WDSUB1: variants seen among roughly 807,000 people sequenced by gnomAD.
WDSUB1 encodes the protein WD repeat, sterile alpha motif and U-box domain containing 1, also known as WD repeat, SAM and U-box domain-containing protein 1.
In WDSUB1, 49 loss-of-function variants were observed where a neutral mutation model predicts 53.9. The observed-to-expected ratio is 0.91, with a 90% CI of 0.72 to 1.15. WDSUB1 has a LOEUF of 1.15. Among genes scored for constraint, WDSUB1 ranks in the 50% most tolerant of loss-of-function variants. The probability of loss-of-function intolerance (pLI) is 0.00; values close to 1 mark genes in which losing one functional copy is unlikely to be tolerated. For synonymous variants in WDSUB1, 194 were observed against 200.6 expected (o/e 0.97, Z 0.28); for missense variants, 514 against 562.0 (o/e 0.91, Z 0.86).
At chr2:159,268,467 C>T (rs2061387182) in intron 5 of WDSUB1, among the ~76,000 whole-genome samples, 1 of 152,118 alleles carries the variant, frequency 6.6e-6, no homozygotes, top group African/African-American at 2.4e-5. Flanking sequence ...GCCACATCTA[C>T]AATAATGACA....
chr2:159,273,826 C>T (rs771008911), intron 4 of WDSUB1, among the ~76,000 whole-genome samples: 1 of 152,172 alleles, frequency 6.6e-6, no homozygotes, highest in Non-Finnish European at 1.5e-5. Flanking sequence ...TACTTTTGAA[C>T]AATTACTAAA....
At chr2:159,248,761 A>G (rs2060880400) in intron 9 of WDSUB1, among the ~76,000 whole-genome samples, 1 of 152,132 alleles carries the variant, frequency 6.6e-6, no homozygotes, top group Admixed American at 6.6e-5. Context: ...ACATGGCACC[A>G]TGCCCAGTTA....
At position 159,273,940 on chromosome 2, in the gene WDSUB1, G is replaced by C. The variant is rs56947409; in HGVS notation, c.676+1606C>G. ...TTTGTCATTTAACTGAAGCTTACTA[G>C]GTAACAAATAATAATATTCTGAGGC... On this transcript the variant is annotated intron_variant, in intron 4 of 10. Coordinates refer to ENST00000359774, the MANE Select transcript of WDSUB1 (RefSeq NM_001128212.3). Among the ~76,000 whole-genome samples the C allele has an allele frequency of 3.2e-3, 492 of 152,160 alleles. 3 individuals are homozygous for C. Among genetic ancestry groups the C allele is most frequent in the African/African-American group, 0.011 (457 of 41,514 alleles).
At position 159,279,860 on chromosome 2, in the gene WDSUB1, C is replaced by T. The variant is rs1172565579; in HGVS notation, c.484G>A (p.Asp162Asn). The change falls in exon 3 of 11, where the codon GAT becomes AAT. Residue 162 changes from aspartate (D) to asparagine (N), a missense_variant. Coordinates refer to ENST00000359774, the MANE Select transcript of WDSUB1 (RefSeq NM_001128212.3). ...ATTTTATCATCCCACACTGTTAAAT[C>T]ACCACATGAGGAGCCAGTGACAAAG... ...SFFVTGSSCG[D>N]LTVWDDKMRC... 1.9e-6 allele frequency: 3 copies of T among 1,612,444 alleles called. No individual in the cohort carries two copies. Among genetic ancestry groups the T allele is most frequent in the Non-Finnish European group, 2.5e-6 (3 of 1,178,944 alleles).
chr2:159,275,044 GAATC>G (rs888655241), intron 4 of WDSUB1, among the ~76,000 whole-genome samples: 1 of 152,144 alleles, frequency 6.6e-6, no homozygotes, highest in African/African-American at 2.4e-5. Context: ...TAAAAAAAGA[GAATC>G]AATTCAGGAG....
intron 2 of WDSUB1, among the ~76,000 whole-genome samples, chr2:159,282,353 C>T (rs1342552812): frequency 2.0e-5 from 3 of 151,982 alleles, no homozygotes; most frequent in African/African-American, 4.8e-5. Context: ...CCACCATGCC[C>T]GGCTAATTTT....
intron 5 of WDSUB1, among the ~76,000 whole-genome samples, chr2:159,269,463 G>A (rs959040039): frequency 1.3e-5 from 2 of 152,054 alleles, no homozygotes; most frequent in African/African-American, 4.8e-5. Flanking sequence ...GAACCACCAC[G>A]CCCTGCCCAA....
chr2:159,249,365 G>C (rs112562815), intron 9 of WDSUB1, among the ~76,000 whole-genome samples: 1 of 152,162 alleles, frequency 6.6e-6, no homozygotes, highest in Admixed American at 6.5e-5. Flanking sequence ...AAAGTCTAAT[G>C]AATTTTAGGA....
chr2:159,254,118 C>T (rs895971433), intron 9 of WDSUB1, among the ~76,000 whole-genome samples: 3 of 152,204 alleles, frequency 2.0e-5, no homozygotes, highest in Non-Finnish European at 4.4e-5. Context: ...CTTGTTTAAA[C>T]TGTATTTCAA....
intron 9 of WDSUB1, among the ~76,000 whole-genome samples, chr2:159,254,173 T>C (rs1191331954): frequency 6.6e-6 from 1 of 152,206 alleles, no homozygotes; most frequent in African/African-American, 2.4e-5. Context: ...TCACTGAACT[T>C]TGAAGTAAAA....
chr2:159,278,389 A>G (rs1438073200), intron 3 of WDSUB1, among the ~76,000 whole-genome samples: 1 of 152,254 alleles, frequency 6.6e-6, no homozygotes, highest in Non-Finnish European at 1.5e-5. Flanking sequence ...CCTACTCTGT[A>G]TCAGGCACGA....
At chr2:159,262,932 C>G (rs2061256769) in intron 5 of WDSUB1, among the ~76,000 whole-genome samples, 2 of 152,194 alleles carry the variant, frequency 1.3e-5, no homozygotes, top group South Asian at 4.1e-4. Context: ...TACATACATT[C>G]TGCCACAATC....
At chr2:159,241,808 G>A (rs2060657130) in intron 10 of WDSUB1, among the ~76,000 whole-genome samples, 1 of 143,036 alleles carries the variant, frequency 7.0e-6, no homozygotes, top group Non-Finnish European at 1.5e-5. Context: ...TGCCTTCCGG[G>A]TTCAAGCAAT....
chr2:159,286,004 T>G (rs566977887), intron 1 of WDSUB1, among the ~76,000 whole-genome samples: 57 of 152,114 alleles, frequency 3.7e-4, no homozygotes, highest in African/African-American at 1.2e-3. Flanking sequence ...TTCCAGGGCA[T>G]TCAGTGGGAA....
At chr2:159,271,199 T>C (rs550164872) in intron 5 of WDSUB1, among the ~76,000 whole-genome samples, 10 of 152,232 alleles carry the variant, frequency 6.6e-5, no homozygotes, top group Non-Finnish European at 1.2e-4. Context: ...AGGCCATTCC[T>C]ATGTACTTAT....
intron 9 of WDSUB1, among the ~76,000 whole-genome samples, chr2:159,254,286 A>G (rs2110034): frequency 0.57 from 86,951 of 152,136 alleles, 26,182 homozygotes; most frequent in African/African-American, 0.72. Context: ...TTGGCCAGGC[A>G]CAGTGGCTCA....
At position 159,247,927 on chromosome 2, in the gene WDSUB1, A is replaced by AT. The variant is rs1559532277; in HGVS notation, c.1273+444_1273+445insA. ...TATATATAAATATATATATATATAT[A>AT]AATATATATATATATAAAATTTGGA... is the stretch of plus-strand genomic sequence containing the variant. On this transcript the variant is annotated intron_variant, in intron 10 of 10. Coordinates refer to ENST00000359774, the MANE Select transcript of WDSUB1 (RefSeq NM_001128212.3). 1.6e-4 allele frequency among the ~76,000 whole-genome samples: 11 copies of AT among 68,926 alleles called. No individual in the cohort carries two copies. In the East Asian group the frequency reaches 3.8e-3, roughly 24 times the overall value. 45.2% of individuals were successfully genotyped at this position (68,926 alleles called of 152,430 possible).
chr2:159,271,833 C>T (rs1267129286), intron 4 of WDSUB1, 38 bp from the exon 5 acceptor site: 1 of 1,533,734 alleles, frequency 6.5e-7, no homozygotes, highest in Non-Finnish European at 9.0e-7. Context: ...GAAAGCTGAC[C>T]ATGCTTAGAA....
At position 159,278,359 on chromosome 2, in the gene WDSUB1, C is replaced by T. The variant is rs890530754; in HGVS notation, c.583+1402G>A. On this transcript the variant is annotated intron_variant, in intron 3 of 10. Transcript: ENST00000359774. The stretch of plus-strand genomic sequence containing the variant: ...GCAAATCATTAAAAGGAATCTTACT[C>T]ATCAATCTACATTTCAAGGCCTACT... Among the ~76,000 whole-genome samples, 8 of 152,288 alleles carry T rather than the reference C, an allele frequency of 5.3e-5. No individual in the cohort carries two copies. The South Asian group carries it at 1.0e-3, about 20-fold the overall frequency.
Sources: allele counts gnomAD v4.1 joint callset (sites outside exome capture counted in the v4.1 genomes callset), GRCh38; gene constraint gnomAD v4.1.1; transcripts MANE v1.5; gene names NCBI Gene and HGNC (gene_info 2026-07-23, HGNC 2026-07-21).